The following RCAN2 variants were observed in gnomAD, a reference collection of about 807,000 sequenced individuals.
RCAN2 encodes calcipressin-2.
A neutral mutation model predicts 23.6 loss-of-function variants in RCAN2; 9 were observed. That is an observed-to-expected ratio of 0.38 (90% confidence interval 0.23 to 0.67). The LOEUF (loss-of-function observed/expected upper bound fraction) is 0.67. Ranked by LOEUF, RCAN2 falls within the 30% of genes least tolerant of loss-of-function variation. RCAN2 has a pLI of 0.51. For synonymous variants in RCAN2, 109 were observed against 115.7 expected (o/e 0.94, Z 0.37); for missense variants, 273 against 302.3 (o/e 0.90, Z 0.72).
At chr6:46,322,349 C>A (rs1763645293) in intron 2 of RCAN2, among the ~76,000 whole-genome samples, 1 of 152,236 alleles carries the variant, frequency 6.6e-6, no homozygotes, top group South Asian at 2.1e-4. Context: ...AAGTTCACAA[C>A]ACCACCAATG....
chr6:46,453,412 T>C (rs913952655), intron 2 of RCAN2, among the ~76,000 whole-genome samples: 7 of 152,208 alleles, frequency 4.6e-5, no homozygotes, highest in Non-Finnish European at 1.0e-4. Flanking sequence ...TGCTCACTCA[T>C]TGCAAAAGCA....
chr6:46,388,216 A>T (rs1442726564), intron 2 of RCAN2, among the ~76,000 whole-genome samples: 1 of 152,092 alleles, frequency 6.6e-6, no homozygotes, highest in Admixed American at 6.6e-5. Context: ...ACAAACCTGC[A>T]CGTTGTGCAC....
intron 2 of RCAN2, among the ~76,000 whole-genome samples, chr6:46,378,896 G>T (rs1037768458): frequency 6.6e-6 from 1 of 152,152 alleles, no homozygotes; most frequent in East Asian, 1.9e-4. Context: ...ACTCTTTTTG[G>T]AAAACTGAAT....
At position 46,223,066 on chromosome 6, in the gene RCAN2, A is replaced by T. The variant is rs1765528152; in HGVS notation, c.*75T>A. Reference sequence around the variant, plus strand: ...CCAAACACCCAGGAATTTAAAGGCAATTTTTTTTGACAAACAACAGGGGGA... The same window carrying T: ...CCAAACACCCAGGAATTTAAAGGCATTTTTTTTTGACAAACAACAGGGGGA... On this transcript the variant is annotated 3_prime_UTR_variant, in exon 5 of 5. Coordinates refer to ENST00000371374, the MANE Select transcript of RCAN2 (RefSeq NM_001251974.2). 7 of 1,522,796 alleles carry T rather than the reference A, an allele frequency of 4.6e-6. No individual in the cohort carries two copies. Among genetic ancestry groups the T allele is most frequent in the African/African-American group, 4.2e-5 (3 of 72,072 alleles). The allele number at this position is 1,522,796 out of a possible 1,614,324, so 94.3% of individuals were successfully genotyped here.
chr6:46,458,072 A>C (rs934792063), intron 1 of RCAN2, among the ~76,000 whole-genome samples: 1 of 152,232 alleles, frequency 6.6e-6, no homozygotes, highest in African/African-American at 2.4e-5. Context: ...GCTCATGGTT[A>C]CGCAAGTAAG....
At chr6:46,442,699 A>G (rs548833523) in intron 2 of RCAN2, among the ~76,000 whole-genome samples, 14 of 152,280 alleles carry the variant, frequency 9.2e-5, no homozygotes, top group African/African-American at 3.1e-4. Flanking sequence ...ATATATGTTT[A>G]CCCACTTTTT....
intron 2 of RCAN2, among the ~76,000 whole-genome samples, chr6:46,340,694 G>A (rs1193036998): frequency 6.6e-6 from 1 of 152,202 alleles, no homozygotes; most frequent in South Asian, 2.1e-4. Context: ...CTTCTGGTAA[G>A]CCCTCGAAAT....
intron 2 of RCAN2, among the ~76,000 whole-genome samples, chr6:46,369,643 TTTGCAA>T (rs1221822735): frequency 3.3e-5 from 5 of 152,152 alleles, no homozygotes; most frequent in Non-Finnish European, 7.3e-5. Flanking sequence ...GTTTGCAACA[TTTGCAA>T]TTGCAATTTC....
At chr6:46,305,369 AG>A (rs1763029307) in intron 2 of RCAN2, among the ~76,000 whole-genome samples, 1 of 152,070 alleles carries the variant, frequency 6.6e-6, no homozygotes. Context: ...TCATCATAAC[AG>A]GGGCCTGCTC....
intron 2 of RCAN2, among the ~76,000 whole-genome samples, chr6:46,264,889 C>T (rs1392953541): frequency 6.6e-6 from 1 of 152,142 alleles, no homozygotes; most frequent in Admixed American, 6.5e-5. Flanking sequence ...TTATCTCATT[C>T]TCACAATACA....
rs1768132926 is a variant in RCAN2 at position 46,458,907 on chromosome 6, G to GTA, written c.-2-1930_-2-1929insTA. ...AAAACGCGCGCGCACGTGTGTGTGTGTGTGATGGAGTTTTGCTCTTGTCGC... is the reference window on the plus strand; with the variant it reads ...AAAACGCGCGCGCACGTGTGTGTGTGTATGTGATGGAGTTTTGCTCTTGTCGC... On this transcript the variant is annotated intron_variant, in intron 1 of 4. Transcript: ENST00000371374. 2.6e-5 allele frequency among the ~76,000 whole-genome samples: 4 copies of GTA among 152,340 alleles called. No individual in the cohort carries two copies. The East Asian group carries it at 5.8e-4, about 22-fold the overall frequency.
chr6:46,445,584 A>G (rs952680657), intron 2 of RCAN2, among the ~76,000 whole-genome samples: 3 of 152,216 alleles, frequency 2.0e-5, no homozygotes, highest in Non-Finnish European at 4.4e-5. Context: ...AGCACCAATA[A>G]CCACCCTCAA....
intron 2 of RCAN2, among the ~76,000 whole-genome samples, chr6:46,278,343 G>A (rs144523293): frequency 1.6e-3 from 236 of 151,648 alleles, no homozygotes; most frequent in African/African-American, 5.2e-3. Flanking sequence ...CATATCTTAC[G>A]ACATTTTCTT....
intron 2 of RCAN2, among the ~76,000 whole-genome samples, chr6:46,257,035 T>C (rs1766942587): frequency 6.6e-6 from 1 of 152,174 alleles, no homozygotes; most frequent in African/African-American, 2.4e-5. Flanking sequence ...AAAAAGATAT[T>C]GTTATGCGGA....
intron 2 of RCAN2, among the ~76,000 whole-genome samples, chr6:46,386,912 C>A (rs1765773117): frequency 6.6e-6 from 1 of 152,170 alleles, no homozygotes; most frequent in Non-Finnish European, 1.5e-5. Flanking sequence ...AGATATAGAC[C>A]AATGGAACAG....
At chr6:46,473,705 T>C (rs915727944) in intron 1 of RCAN2, among the ~76,000 whole-genome samples, 3 of 152,140 alleles carry the variant, frequency 2.0e-5, no homozygotes, top group Admixed American at 1.3e-4. Flanking sequence ...GATAAATCAA[T>C]GACATATTTT....
intron 1 of RCAN2, among the ~76,000 whole-genome samples, chr6:46,486,301 G>A (rs1010133602): frequency 2.6e-5 from 4 of 152,156 alleles, no homozygotes; most frequent in African/African-American, 9.7e-5. Flanking sequence ...GATTAAATGA[G>A]ATAACGTATG....
At chr6:46,388,735 G>T (rs1287651035) in intron 2 of RCAN2, among the ~76,000 whole-genome samples, 2 of 152,130 alleles carry the variant, frequency 1.3e-5, no homozygotes, top group African/African-American at 4.8e-5. Flanking sequence ...CCTCATAAGT[G>T]GGAGTTCAAC....
At chr6:46,389,866 C>G (rs959743031) in intron 2 of RCAN2, among the ~76,000 whole-genome samples, 1 of 152,028 alleles carries the variant, frequency 6.6e-6, no homozygotes, top group Admixed American at 6.5e-5. Context: ...TTCCAAAGAG[C>G]CTTTTGGAAT....
Sources: allele counts gnomAD v4.1 joint callset (sites outside exome capture counted in the v4.1 genomes callset), GRCh38; gene constraint gnomAD v4.1.1; transcripts MANE v1.5; gene names NCBI Gene and HGNC (gene_info 2026-07-23, HGNC 2026-07-21).